The following HTRA1 variants were observed in gnomAD, a reference collection of about 807,000 sequenced individuals.
HTRA1 encodes HtrA serine peptidase 1, also known as serine protease HTRA1.
A neutral mutation model predicts 49.7 loss-of-function variants in HTRA1; 26 were observed. The ratio of observed to expected loss-of-function variants is 0.52; its 90% confidence interval spans 0.38 to 0.73. HTRA1 has a LOEUF of 0.73. Ranked by LOEUF, HTRA1 falls within the 30% of genes least tolerant of loss-of-function variation. The pLI, the probability that HTRA1 is intolerant of heterozygous loss-of-function variation, is 0.00. For synonymous variants in HTRA1, 291 were observed against 286.9 expected, an observed-to-expected ratio of 1.01 and a Z score of -0.14; for missense variants, 561 against 667.2, an observed-to-expected ratio of 0.84 and a Z score of 1.75.
At chr10:122,465,709 C>G (rs1301735192) in intron 1 of HTRA1, among the ~76,000 whole-genome samples, 2 of 152,276 alleles carry the variant, frequency 1.3e-5, no homozygotes, top group East Asian at 3.9e-4. Flanking sequence ...GCCGTCAGTG[C>G]AGCCCTCACT....
intron 7 of HTRA1, among the ~76,000 whole-genome samples, chr10:122,510,389 G>A (rs984258153): frequency 2.0e-5 from 3 of 152,130 alleles, no homozygotes; most frequent in Non-Finnish European, 4.4e-5. Flanking sequence ...CAGGCCCTCC[G>A]GTGTAGAAGG....
chr10:122,480,794 T>G (rs66884382), intron 1 of HTRA1, among the ~76,000 whole-genome samples: 31,910 of 152,038 alleles, frequency 0.21, 3,608 homozygotes, highest in South Asian at 0.43. Context: ...TACAATTCAG[T>G]ATACCCTCTT....
At position 122,469,504 on chromosome 10, in the gene HTRA1, AGCT is replaced by A. The variant is rs2097485207; in HGVS notation, c.472+7381_472+7383del. ...ATCTGCTTTTCTGTGGCACAGAGTG[AGCT>A]ATACAGGAATATTGTATTCTCCAGG... On this transcript the variant is annotated intron_variant, in intron 1 of 8. Transcript: ENST00000368984. Among the ~76,000 whole-genome samples the A allele has an allele frequency of 3.3e-5, 5 of 152,308 alleles. No individual in the cohort carries two copies. In the South Asian group the frequency reaches 1.0e-3, roughly 32 times the overall value.
intron 8 of HTRA1, among the ~76,000 whole-genome samples, chr10:122,513,886 C>A (rs551509368): frequency 7.2e-6 from 1 of 138,480 alleles, no homozygotes; most frequent in East Asian, 2.1e-4. Flanking sequence ...CACCACCAAA[C>A]CTGGCTCTTT....
chr10:122,476,884 G>C (rs2097488731), intron 1 of HTRA1, among the ~76,000 whole-genome samples: 1 of 152,056 alleles, frequency 6.6e-6, no homozygotes, highest in African/African-American at 2.4e-5. Context: ...TAAATTTCCC[G>C]GTGTGTCTTC....
rs1197712551 is a variant in HTRA1 at position 122,514,418 on chromosome 10, G to A, written c.*59G>A. 1.3e-6 allele frequency: 2 copies of A among 1,551,334 alleles called. No homozygotes were observed. The highest frequency in any genetic ancestry group is 8.9e-7 in the Non-Finnish European group (1 of 1,123,656). On this transcript the variant is annotated 3_prime_UTR_variant, in exon 9 of 9. Coordinates refer to ENST00000368984, the MANE Select transcript of HTRA1 (RefSeq NM_002775.5). ...AAAGACTCTCCCGTGGATGACGGATGAGGACTCTGGGCTGCTGGAATAGGA... is the reference window on the plus strand; with the variant it reads ...AAAGACTCTCCCGTGGATGACGGATAAGGACTCTGGGCTGCTGGAATAGGA...
intron 1 of HTRA1, among the ~76,000 whole-genome samples, chr10:122,481,667 T>C (rs1463803969): frequency 6.6e-6 from 1 of 152,206 alleles, no homozygotes; most frequent in Non-Finnish European, 1.5e-5. Context: ...CTTTAGTAGT[T>C]GATACGGTTT....
intron 3 of HTRA1, among the ~76,000 whole-genome samples, chr10:122,497,523 G>T (rs576112097): frequency 1.3e-5 from 2 of 152,090 alleles, no homozygotes; most frequent in African/African-American, 4.8e-5. Flanking sequence ...TGTGCTGTTC[G>T]CTGGGCCCAC....
At position 122,507,387 on chromosome 10, in the gene HTRA1, C is replaced by A. The variant is rs776894108; in HGVS notation, c.990C>A (p.Gly330=). The change falls in exon 5 of 9, where the codon GGC becomes GGA. Residue 330 remains glycine, a synonymous_variant. Transcript: ENST00000368984. ...AATTGCAGTATGGAAACTCGGGAGG[C>A]CCGTTAGTAAACCTGGTAAGGTCTT... The part of the protein sequence containing the change: ...DAIINYGNSG[G]PLVNLDGEVI... 7 of 1,610,952 alleles carry A rather than the reference C, an allele frequency of 4.3e-6. No individual in the cohort carries two copies. The highest frequency in any genetic ancestry group is 5.9e-6 in the Non-Finnish European group (7 of 1,177,112).
Position 122,514,269 on chromosome 10 carries a change from C to T in HTRA1, c.1353C>T (p.Val451=), listed in dbSNP as rs766422732. 2.0e-5 allele frequency: 32 copies of T among 1,613,996 alleles called. No homozygotes were observed. The South Asian group carries it at 3.5e-4, about 18-fold the overall frequency. ...SVVSANDVSD[V]IKRESTLNMV... ...TCTCCGCCAATGATGTCAGCGACGTCATTAAAAGGGAAAGCACCCTGAACA... is the reference window on the plus strand; with the variant it reads ...TCTCCGCCAATGATGTCAGCGACGTTATTAAAAGGGAAAGCACCCTGAACA... The change falls in exon 9 of 9, where the codon GTC becomes GTT. Residue 451 remains valine (V), a synonymous_variant. Coordinates refer to ENST00000368984, the MANE Select transcript of HTRA1 (RefSeq NM_002775.5).
At chr10:122,493,333 G>A (rs1347479121) in intron 3 of HTRA1, among the ~76,000 whole-genome samples, 4 of 152,222 alleles carry the variant, frequency 2.6e-5, no homozygotes, top group African/African-American at 9.6e-5. Context: ...AATCCCAGCT[G>A]CAGAAAGTCG....
chr10:122,486,218 T>G (rs1323417870), intron 1 of HTRA1, among the ~76,000 whole-genome samples: 1 of 152,192 alleles, frequency 6.6e-6, no homozygotes, highest in African/African-American at 2.4e-5. Context: ...ATTTAAAGTC[T>G]GCGAGCCTCA....
chr10:122,461,561 C>A lies in HTRA1; in HGVS notation c.-92C>A. ...GCCGCGCGGCCGCGCGCACTCGCAC[C>A]CGCTGCCCCCGAGGCCCTCCTGCAC... On this transcript the variant is annotated 5_prime_UTR_variant, in exon 1 of 9. Coordinates refer to ENST00000368984, the MANE Select transcript of HTRA1 (RefSeq NM_002775.5). The A allele has an allele frequency of 1.4e-6, 1 of 720,866 alleles. No homozygotes were observed. The highest frequency in any genetic ancestry group is 1.9e-6 in the Non-Finnish European group (1 of 516,558). The allele number at this position is 720,866 out of a possible 1,614,324, so 44.7% of individuals were successfully genotyped here.
At chr10:122,485,389 A>G (rs959007467) in intron 1 of HTRA1, among the ~76,000 whole-genome samples, 4 of 152,226 alleles carry the variant, frequency 2.6e-5, no homozygotes, top group Non-Finnish European at 5.9e-5. Context: ...CCTCATCTGC[A>G]GAATTTGGAG....
chr10:122,495,195 A>G (rs1395998141), intron 3 of HTRA1, among the ~76,000 whole-genome samples: 3 of 152,184 alleles, frequency 2.0e-5, no homozygotes, highest in Non-Finnish European at 2.9e-5. Flanking sequence ...TGGAATGCAC[A>G]TCGCACTGCC....
intron 3 of HTRA1, among the ~76,000 whole-genome samples, chr10:122,492,769 C>T (rs2300436): frequency 0.093 from 14,191 of 152,122 alleles, 966 homozygotes; most frequent in South Asian, 0.32. Context: ...CATCGGACAG[C>T]GTAGGTGGGA....
rs1185552241 is a variant in HTRA1, at chr10:122,514,590, T to C, written c.*231T>C. The C allele has an allele frequency of 7.4e-6, 4 of 543,594 alleles. No individual in the cohort carries two copies. The highest frequency in any genetic ancestry group is 3.8e-5 in the African/African-American group (2 of 52,734). The allele number at this position is 543,594 out of a possible 1,614,324, so 33.7% of individuals were successfully genotyped here. A position where few individuals can be genotyped will look rare whatever the true frequency, so the allele number is the denominator to read the frequency against. ...GCCCTTCTGTATCCTATGTATGCAG[T>C]GTGCTTTTTCTTGCCAGCTTGGGCC... On this transcript the variant is annotated 3_prime_UTR_variant, in exon 9 of 9. Coordinates refer to ENST00000368984, the MANE Select transcript of HTRA1 (RefSeq NM_002775.5).
intron 3 of HTRA1, among the ~76,000 whole-genome samples, chr10:122,491,783 C>T (rs962772226): frequency 6.6e-6 from 1 of 152,252 alleles, no homozygotes; most frequent in Middle Eastern, 3.4e-3. Flanking sequence ...GTGTTTCAAG[C>T]CCCCCAAGAA....
rs1173745106 is a variant in HTRA1 at position 122,461,687 on chromosome 10, TGC to T, written c.36_37del (p.Leu13AlafsTer155). ...CCGCGCGCCGCTCTTCTCCCGCTGC[TGC>T]TGCTGCTGCTGGCGGCGCCCGCCTC... On this transcript the variant is annotated frameshift_variant, in exon 1 of 9. Coordinates refer to ENST00000368984, the MANE Select transcript of HTRA1 (RefSeq NM_002775.5). LOFTEE classifies it high-confidence loss of function. 7.7e-7 allele frequency: 1 copy of T among 1,303,492 alleles called. No homozygotes were observed. The highest frequency in any genetic ancestry group is 4.7e-5 in the East Asian group (1 of 21,196). 80.7% of individuals were successfully genotyped at this position (1,303,492 alleles called of 1,614,324 possible).
Sources: gnomAD v4.1 joint callset for allele counts (sites outside exome capture counted in the v4.1 genomes callset) on GRCh38, gnomAD v4.1.1 for gene constraint, MANE v1.5 for transcripts, NCBI Gene and HGNC (gene_info 2026-07-23, HGNC 2026-07-21) for gene names.